NRP1: variants seen among roughly 807,000 people sequenced by gnomAD.
The protein encoded by NRP1 is neuropilin-1.
NRP1 carries 35 observed loss-of-function variants against 106.7 expected under a neutral mutation model. The observed-to-expected ratio is 0.33, with a 90% CI of 0.25 to 0.43. The LOEUF (loss-of-function observed/expected upper bound fraction) is 0.43. Among genes scored for constraint, NRP1 ranks in the 20% least tolerant of loss-of-function variants. NRP1 has a pLI of 1.00. For missense variants in NRP1, 1,024 were observed against 1,170.4 expected (o/e 0.87, Z 1.83); for synonymous variants, 437 against 417.9 (o/e 1.05, Z -0.56).
Position 33,270,631 on chromosome 10 carries a change from T to C in NRP1, c.430+44A>G, listed in dbSNP as rs775844659. On this transcript the variant is annotated intron_variant, in intron 3 of 16. Transcript: ENST00000374867. ...GGTGAGCCACCACACTCGGCCTAAA[T>C]GAACTCTTAGTCATTCTTGTTCTAC... 2.0e-6 allele frequency: 3 copies of C among 1,523,972 alleles called. No individual in the cohort carries two copies. In the Admixed American group the frequency reaches 5.8e-5, roughly 29 times the overall value. 94.4% of individuals were successfully genotyped at this position (1,523,972 alleles called of 1,614,324 possible).
At chr10:33,252,600 C>A (rs967182617) in intron 6 of NRP1, among the ~76,000 whole-genome samples, 1 of 152,096 alleles carries the variant, frequency 6.6e-6, no homozygotes, top group Non-Finnish European at 1.5e-5. Context: ...GGAGACCTTT[C>A]CTGTTTCATT....
At chr10:33,277,323 G>C (rs189947819) in intron 2 of NRP1, among the ~76,000 whole-genome samples, 6 of 152,136 alleles carry the variant, frequency 3.9e-5, no homozygotes, top group Non-Finnish European at 7.4e-5. Context: ...CCTCCTGCTC[G>C]GGGACCTCAT....
At chr10:33,302,795 G>T (rs1227294114) in intron 2 of NRP1, among the ~76,000 whole-genome samples, 1 of 152,168 alleles carries the variant, frequency 6.6e-6, no homozygotes, top group Non-Finnish European at 1.5e-5. Context: ...AACCTTGAGG[G>T]TCTCAGAGGT....
At chr10:33,227,429 G>A (rs1839759392) in intron 6 of NRP1, among the ~76,000 whole-genome samples, 1 of 139,540 alleles carries the variant, frequency 7.2e-6, no homozygotes, top group Non-Finnish European at 1.6e-5. Context: ...TTGGGATGGA[G>A]TAAAGAGGAA....
At chr10:33,202,562 G>C in intron 11 of NRP1, 2 of 1,411,988 alleles carry the variant, frequency 1.4e-6, no homozygotes, top group Admixed American at 5.3e-5. Context: ...TGGTGCACGT[G>C]TTATTGGGGG....
intron 2 of NRP1, among the ~76,000 whole-genome samples, chr10:33,293,166 T>A (rs571004198): frequency 6.6e-6 from 1 of 152,342 alleles, no homozygotes; most frequent in South Asian, 2.1e-4. Context: ...AATACTTAAA[T>A]TCCTTATTTT....
Position 33,213,236 on chromosome 10 carries a change from A to G in NRP1, c.1614+150T>C, listed in dbSNP as rs1304766664. 5.0e-6 allele frequency: 8 copies of G among 1,584,374 alleles called. No individual in the cohort carries two copies. In the South Asian group the frequency reaches 9.0e-5, roughly 18 times the overall value. On this transcript the variant is annotated intron_variant, in intron 9 of 16. Transcript: ENST00000374867. ...TTTCATGCCATATTCCTGTCTTCCT[A>G]GAATCAAGGGTCTTACTGACCCCAT...
chr10:33,245,333 T>C (rs1233131916), intron 6 of NRP1, among the ~76,000 whole-genome samples: 1 of 152,226 alleles, frequency 6.6e-6, no homozygotes, highest in Non-Finnish European at 1.5e-5. Context: ...ATGTATGCTA[T>C]GTGCTTCTAG....
chr10:33,261,644 T>A (rs182102306), intron 4 of NRP1, among the ~76,000 whole-genome samples: 1 of 152,348 alleles, frequency 6.6e-6, no homozygotes, highest in African/African-American at 2.4e-5. Flanking sequence ...CCTGGTTTTT[T>A]TCTAATGCTG....
At chr10:33,334,278 CG>C in intron 1 of NRP1, 31 bp downstream of exon 1, 1 of 1,531,932 alleles carries the variant, frequency 6.5e-7, no homozygotes, top group Non-Finnish European at 8.8e-7. Flanking sequence ...GCCGGGGCGC[CG>C]CTGTCACCCG....
At chr10:33,310,297 C>T (rs75795964) in intron 2 of NRP1, among the ~76,000 whole-genome samples, 1 of 129,740 alleles carries the variant, frequency 7.7e-6, no homozygotes. Flanking sequence ...GTCGCCCAGG[C>T]TAGTGTGCAA....
chr10:33,210,204 T>A (rs200291754), intron 9 of NRP1, among the ~76,000 whole-genome samples: 1,757 of 151,766 alleles, frequency 0.012, 30 homozygotes, highest in African/African-American at 0.037. Flanking sequence ...TTTTTTTTTT[T>A]ATCAAGAGTA....
chr10:33,191,576 T>G (rs1351698475), intron 13 of NRP1, among the ~76,000 whole-genome samples: 3 of 152,190 alleles, frequency 2.0e-5, no homozygotes, highest in African/African-American at 7.2e-5. Context: ...AAGTTTCCTA[T>G]GATCTGATAA....
chr10:33,307,477 T>A (rs1021100227), intron 2 of NRP1, among the ~76,000 whole-genome samples: 1 of 152,220 alleles, frequency 6.6e-6, no homozygotes, highest in African/African-American at 2.4e-5. Context: ...AAATATCAAT[T>A]TGTGCCATAA....
intron 7 of NRP1, among the ~76,000 whole-genome samples, chr10:33,223,898 C>T (rs1839451040): frequency 6.6e-6 from 1 of 152,098 alleles, no homozygotes; most frequent in Admixed American, 6.6e-5. Context: ...AGTTGTGTGC[C>T]CTGGTGCAGG....
intron 6 of NRP1, among the ~76,000 whole-genome samples, chr10:33,245,259 T>C (rs531651554): frequency 5.3e-5 from 8 of 152,340 alleles, no homozygotes; most frequent in African/African-American, 1.9e-4. Context: ...GGGGTGATTG[T>C]TCCCTAAGTA....
chr10:33,261,522 G>T (rs1352737337), intron 4 of NRP1, among the ~76,000 whole-genome samples: 1 of 152,058 alleles, frequency 6.6e-6, no homozygotes, highest in African/African-American at 2.4e-5. Flanking sequence ...TTTAATAAAG[G>T]AGTTTTGATA....
Position 33,180,041 on chromosome 10 carries a change from C to T in NRP1, c.*35G>A, listed in dbSNP as rs200381308. 4.2e-5 allele frequency: 67 copies of T among 1,600,508 alleles called. No individual in the cohort carries two copies. The East Asian group carries it at 1.3e-3, about 32-fold the overall frequency. On this transcript the variant is annotated 3_prime_UTR_variant, in exon 17 of 17. Transcript: ENST00000374867. ...CCAGCTCACTCCCGTCCTTCCACTTCCGTCCTTTGACTGTCTTTTCATCTC... is the reference window on the plus strand; with the variant it reads ...CCAGCTCACTCCCGTCCTTCCACTTTCGTCCTTTGACTGTCTTTTCATCTC...
intron 11 of NRP1, 36 bp downstream of exon 11, chr10:33,202,855 A>C: frequency 6.2e-7 from 1 of 1,614,190 alleles, no homozygotes; most frequent in East Asian, 2.2e-5. Context: ...CATGAACTGA[A>C]ATGGTACAGC....
Sources: allele counts gnomAD v4.1 joint callset (sites outside exome capture counted in the v4.1 genomes callset), GRCh38; gene constraint gnomAD v4.1.1; transcripts MANE v1.5; gene names NCBI Gene and HGNC (gene_info 2026-07-23, HGNC 2026-07-21).